The following NELL1 variants were observed in gnomAD, a reference collection of about 807,000 sequenced individuals.
NELL1 encodes neural EGFL like 1.
Under a neutral mutation model 107.4 loss-of-function variants are expected in NELL1, and 76 were observed. That is an observed-to-expected ratio of 0.71 (90% CI 0.59 to 0.86). The LOEUF (loss-of-function observed/expected upper bound fraction) is 0.86, where lower values mean the gene tolerates loss of function less well. Among genes scored for constraint, NELL1 ranks in the 40% least tolerant of loss-of-function variants. The pLI is 0.00. For missense variants in NELL1, 1,024 were observed against 1,005.5 expected, an observed-to-expected ratio of 1.02 and a Z score of -0.25; for synonymous variants, 353 against 341.2, an observed-to-expected ratio of 1.03 and a Z score of -0.38.
intron 14 of NELL1, among the ~76,000 whole-genome samples, chr11:21,358,775 G>C (rs1851005941): frequency 6.6e-6 from 1 of 151,608 alleles, no homozygotes; most frequent in African/African-American, 2.4e-5. Flanking sequence ...TTGAGTTCTT[G>C]ATTTGTTTCT....
chr11:20,861,817 G>A (rs750202947), intron 4 of NELL1, among the ~76,000 whole-genome samples: 1 of 152,140 alleles, frequency 6.6e-6, no homozygotes, highest in Non-Finnish European at 1.5e-5. Context: ...TTCAAGTCTG[G>A]CTCTGCCACT....
At chr11:21,337,127 A>G (rs1850420100) in intron 14 of NELL1, among the ~76,000 whole-genome samples, 1 of 152,126 alleles carries the variant, frequency 6.6e-6, no homozygotes, top group Non-Finnish European at 1.5e-5. Flanking sequence ...TTTTCAAGGT[A>G]CTTAGCTTGA....
intron 15 of NELL1, among the ~76,000 whole-genome samples, chr11:21,525,244 T>C (rs1270246786): frequency 6.6e-6 from 1 of 152,208 alleles, no homozygotes; most frequent in African/African-American, 2.4e-5. Flanking sequence ...AGCTATATTG[T>C]CAATACTACT....
At chr11:20,874,744 G>T (rs1849271065) in intron 4 of NELL1, among the ~76,000 whole-genome samples, 1 of 152,040 alleles carries the variant, frequency 6.6e-6, no homozygotes, top group Non-Finnish European at 1.5e-5. Context: ...CTATAGTTCT[G>T]ACTGCTAGAA....
intron 15 of NELL1, among the ~76,000 whole-genome samples, chr11:21,480,232 G>A (rs1175525087): frequency 1.3e-5 from 2 of 152,078 alleles, no homozygotes; most frequent in Non-Finnish European, 2.9e-5. Flanking sequence ...TATTAGCTTT[G>A]GAATCAGTGA....
At chr11:20,801,321 C>T (rs1857276891) in intron 3 of NELL1, among the ~76,000 whole-genome samples, 3 of 152,138 alleles carry the variant, frequency 2.0e-5, no homozygotes, top group Admixed American at 1.3e-4. Flanking sequence ...ATTTTGACTC[C>T]CTCTCAAGGT....
At chr11:20,804,017 C>T (rs578011760) in intron 3 of NELL1, among the ~76,000 whole-genome samples, 2 of 152,174 alleles carry the variant, frequency 1.3e-5, no homozygotes, top group South Asian at 4.2e-4. Flanking sequence ...AGCCTGCAGA[C>T]AGCCTATTGT....
chr11:20,830,904 C>G (rs950188886), intron 3 of NELL1, among the ~76,000 whole-genome samples: 1 of 151,998 alleles, frequency 6.6e-6, no homozygotes, highest in Non-Finnish European at 1.5e-5. Flanking sequence ...CCCACTAGGC[C>G]CCACCCCCCA....
At chr11:20,869,344 G>A (rs1054267114) in intron 4 of NELL1, among the ~76,000 whole-genome samples, 1 of 152,112 alleles carries the variant, frequency 6.6e-6, no homozygotes, top group African/African-American at 2.4e-5. Flanking sequence ...GGAAATGTAT[G>A]GCATTTACTT....
chr11:21,049,397 C>T (rs1188743741), intron 12 of NELL1, among the ~76,000 whole-genome samples: 2 of 152,160 alleles, frequency 1.3e-5, no homozygotes, highest in Non-Finnish European at 2.9e-5. Flanking sequence ...TGAAACTTCT[C>T]CTGAGCAGCC....
rs141471037 is a variant in NELL1 at position 21,361,654 on chromosome 11, A to T, written c.1550-9199A>T. 8.5e-4 allele frequency among the ~76,000 whole-genome samples: 129 copies of T among 152,140 alleles called. 1 individual carries two copies. Among genetic ancestry groups the T allele is most frequent in the African/African-American group, 3.1e-3 (127 of 41,506 alleles). Reference sequence around the variant, plus strand: ...ATGTTTGCCCATTTAACAGAATCCCACATTTCTTGGAGGCTTTGTTCATGT... The same window carrying T: ...ATGTTTGCCCATTTAACAGAATCCCTCATTTCTTGGAGGCTTTGTTCATGT... On this transcript the variant is annotated intron_variant, in intron 14 of 19. Coordinates refer to ENST00000357134, the MANE Select transcript of NELL1 (RefSeq NM_006157.5).
chr11:21,462,527 A>G (rs1317851451), intron 15 of NELL1, among the ~76,000 whole-genome samples: 1 of 152,084 alleles, frequency 6.6e-6, no homozygotes, highest in Admixed American at 6.6e-5. Context: ...ATGTTAAGCA[A>G]TGGGTTTATA....
rs184405618 is a variant in NELL1 at position 21,530,757 on chromosome 11, T to G, written c.1646-3617T>G. Among the ~76,000 whole-genome samples the G allele has an allele frequency of 2.5e-4, 38 of 152,174 alleles. 2 individuals are homozygous for G. The highest frequency in any genetic ancestry group is 3.4e-3 in the Middle Eastern group (1 of 294). On this transcript the variant is annotated intron_variant, in intron 15 of 19. Transcript: ENST00000357134. ...GGAAAATAACATGTAAATATTAAAT[T>G]TACTTTTTCTTTAGTTTTATGAATT...
chr11:21,372,601 T>G lies in NELL1; in HGVS notation c.1645+1653T>G, dbSNP rs537152389. 2.6e-5 allele frequency among the ~76,000 whole-genome samples: 4 copies of G among 152,030 alleles called. No homozygotes were observed. In the Admixed American group the frequency reaches 2.6e-4, roughly 10 times the overall value. On this transcript the variant is annotated intron_variant, in intron 15 of 19. Coordinates refer to ENST00000357134, the MANE Select transcript of NELL1 (RefSeq NM_006157.5). Reference sequence around the variant, plus strand: ...CTCACAAAGCCTGTGTTATCAAACCTTGCATGGGTTTTTCAAGGATACTAG... The same window carrying G: ...CTCACAAAGCCTGTGTTATCAAACCGTGCATGGGTTTTTCAAGGATACTAG...
At chr11:20,749,610 TAAATA>T (rs1443276393) in intron 2 of NELL1, among the ~76,000 whole-genome samples, 3 of 151,932 alleles carry the variant, frequency 2.0e-5, no homozygotes, top group African/African-American at 7.3e-5. Context: ...CAAAAATAAC[TAAATA>T]AAATAACATA....
At chr11:21,369,867 T>G (rs77954314) in intron 14 of NELL1, among the ~76,000 whole-genome samples, 2,660 of 152,164 alleles carry the variant, frequency 0.017, 89 homozygotes, top group African/African-American at 0.06. Flanking sequence ...ATTGTTAGAA[T>G]GAGAGTTTTA....
chr11:20,764,489 A>T (rs1025626965), intron 2 of NELL1, among the ~76,000 whole-genome samples: 3 of 152,080 alleles, frequency 2.0e-5, no homozygotes, highest in African/African-American at 7.2e-5. Flanking sequence ...TTTGACCTGG[A>T]GCCAGGATAG....
chr11:20,745,005 G>A (rs114179319), intron 2 of NELL1, among the ~76,000 whole-genome samples: 1,600 of 152,296 alleles, frequency 0.011, 22 homozygotes, highest in African/African-American at 0.036. Context: ...TGCCTTGGCT[G>A]AAGAAGCCTT....
At chr11:21,242,200 CA>C (rs1858381050) in intron 14 of NELL1, among the ~76,000 whole-genome samples, 1 of 152,050 alleles carries the variant, frequency 6.6e-6, no homozygotes, top group African/African-American at 2.4e-5. Flanking sequence ...GGGTCCAACA[CA>C]ATATTATTTA....
Sources: allele counts gnomAD v4.1 joint callset (sites outside exome capture counted in the v4.1 genomes callset), GRCh38; gene constraint gnomAD v4.1.1; transcripts MANE v1.5; gene names NCBI Gene and HGNC (gene_info 2026-07-23, HGNC 2026-07-21).